PCCA: variants seen among roughly 807,000 people sequenced by gnomAD.
PCCA encodes the protein propionyl-CoA carboxylase alpha chain, mitochondrial.
In PCCA, 74 loss-of-function variants were observed where a neutral mutation model predicts 101.3. The ratio of observed to expected loss-of-function variants is 0.73; its 90% confidence interval spans 0.61 to 0.89. The LOEUF (loss-of-function observed/expected upper bound fraction) is 0.89, where lower values mean the gene tolerates loss of function less well. Among genes scored for constraint, PCCA ranks in the 40% least tolerant of loss-of-function variants. The pLI, the probability that PCCA is intolerant of heterozygous loss-of-function variation, is 0.00. For synonymous variants in PCCA, 294 were observed against 313.6 expected (o/e 0.94, Z 0.66); for missense variants, 891 against 907.0 (o/e 0.98, Z 0.23).
chr13:100,418,364 TCTC>T (rs1268834859), intron 19 of PCCA, among the ~76,000 whole-genome samples: 1 of 152,136 alleles, frequency 6.6e-6, no homozygotes, highest in African/African-American at 2.4e-5. Flanking sequence ...TCTGATAACT[TCTC>T]CTCCCTTATC....
chr13:100,166,871 T>C (rs2055097574), intron 6 of PCCA, among the ~76,000 whole-genome samples: 1 of 152,232 alleles, frequency 6.6e-6, no homozygotes, highest in African/African-American at 2.4e-5. Flanking sequence ...CCGCCAACAA[T>C]GTATGAGTGT....
At chr13:100,358,637 A>G (rs2074199478) in intron 18 of PCCA, among the ~76,000 whole-genome samples, 1 of 152,198 alleles carries the variant, frequency 6.6e-6, no homozygotes, top group Non-Finnish European at 1.5e-5. Context: ...TTGAAGATAG[A>G]AGAATAGAGA....
intron 4 of PCCA, among the ~76,000 whole-genome samples, chr13:100,137,482 C>G (rs1213793293): frequency 1.3e-5 from 2 of 152,192 alleles, no homozygotes; most frequent in South Asian, 2.1e-4. Context: ...TTTCTCCTCT[C>G]AGTTCTGCCA....
chr13:100,486,151 G>C lies in PCCA; in HGVS notation c.1900-29276G>C, dbSNP rs565241605. On this transcript the variant is annotated intron_variant, in intron 21 of 23. Coordinates refer to ENST00000376285, the MANE Select transcript of PCCA (RefSeq NM_000282.4). ...TCATTCTCTGTCATTCCTGAAGGAA[G>C]GACTCTGGCTGGCCCATCTCATCTT... Among the ~76,000 whole-genome samples the C allele has an allele frequency of 3.9e-5, 6 of 152,348 alleles. No individual in the cohort carries two copies. In the South Asian group the frequency reaches 1.2e-3, roughly 32 times the overall value.
intron 7 of PCCA, among the ~76,000 whole-genome samples, chr13:100,216,574 A>T (rs990382869): frequency 1.3e-5 from 2 of 152,226 alleles, no homozygotes; most frequent in African/African-American, 4.8e-5. Flanking sequence ...GTATTTGTTG[A>T]ATGAATAATA....
At chr13:100,216,846 T>C (rs1412930267) in intron 7 of PCCA, among the ~76,000 whole-genome samples, 1 of 152,186 alleles carries the variant, frequency 6.6e-6, no homozygotes, top group East Asian at 1.9e-4. Context: ...TGGTGGCTCA[T>C]GCCTGTAATC....
Position 100,480,658 on chromosome 13 carries a change from G to A in PCCA, c.1899+31353G>A, listed in dbSNP as rs559630339. 6.6e-5 allele frequency among the ~76,000 whole-genome samples: 10 copies of A among 152,174 alleles called. No individual in the cohort carries two copies. In the South Asian group the frequency reaches 8.3e-4, roughly 13 times the overall value. On this transcript the variant is annotated intron_variant, in intron 21 of 23. Transcript: ENST00000376285. ...GTGAAACTAGATTAAACCAAAAAACGCCCTCAGCTCCAGCAGATCCTGAGC... is the reference window on the plus strand; with the variant it reads ...GTGAAACTAGATTAAACCAAAAAACACCCTCAGCTCCAGCAGATCCTGAGC...
intron 18 of PCCA, among the ~76,000 whole-genome samples, chr13:100,356,421 T>C (rs1035546408): frequency 6.6e-6 from 1 of 151,936 alleles, no homozygotes; most frequent in Non-Finnish European, 1.5e-5. Flanking sequence ...GGACAAATGA[T>C]CCAGTTAAAA....
chr13:100,340,079 C>A, intron 17 of PCCA, 78 bp from the exon 18 acceptor site: 1 of 833,632 alleles, frequency 1.2e-6, no homozygotes, highest in Non-Finnish European at 2.1e-6. Flanking sequence ...GTTTGAATGA[C>A]TAGTAATTCT....
intron 17 of PCCA, among the ~76,000 whole-genome samples, chr13:100,334,963 C>G (rs1348023911): frequency 6.6e-6 from 1 of 152,098 alleles, no homozygotes; most frequent in Non-Finnish European, 1.5e-5. Context: ...AGTAACTCCA[C>G]TAGGCATATA....
At chr13:100,422,070 T>TTTCTTTC (rs10668689) in intron 19 of PCCA, among the ~76,000 whole-genome samples, 14,339 of 110,504 alleles carry the variant, frequency 0.13, 1,794 homozygotes, top group East Asian at 0.19. Flanking sequence ...TTCTCTTTTC[T>TTTCTTTC]TTTCTTTCTT....
intron 20 of PCCA, among the ~76,000 whole-genome samples, chr13:100,429,450 C>G (rs1225457822): frequency 6.6e-6 from 1 of 151,996 alleles, no homozygotes; most frequent in African/African-American, 2.4e-5. Context: ...ACTATAGTAA[C>G]TGTAGGTACT....
chr13:100,397,115 A>G (rs535607097), intron 19 of PCCA, among the ~76,000 whole-genome samples: 9 of 152,268 alleles, frequency 5.9e-5, no homozygotes, highest in Middle Eastern at 3.4e-3. Context: ...CCCAGACGTC[A>G]TGGATTTACC....
intron 7 of PCCA, among the ~76,000 whole-genome samples, chr13:100,215,621 T>C (rs1462792942): frequency 6.6e-6 from 1 of 152,070 alleles, no homozygotes; most frequent in Non-Finnish European, 1.5e-5. Flanking sequence ...CTGTATACTT[T>C]ATTTTATTTT....
chr13:100,461,934 C>T (rs1346984375), intron 21 of PCCA, among the ~76,000 whole-genome samples: 1 of 152,168 alleles, frequency 6.6e-6, no homozygotes, highest in Admixed American at 6.5e-5. Flanking sequence ...CTCCACAGGG[C>T]TTCCTCCCTG....
chr13:100,206,827 C>T (rs2058884245), intron 6 of PCCA, among the ~76,000 whole-genome samples: 1 of 152,160 alleles, frequency 6.6e-6, no homozygotes, highest in Non-Finnish European at 1.5e-5. Flanking sequence ...CTAAGACCTT[C>T]ATGTGAGAGA....
chr13:100,181,666 G>A (rs920157374), intron 6 of PCCA, among the ~76,000 whole-genome samples: 5 of 151,870 alleles, frequency 3.3e-5, no homozygotes, highest in Non-Finnish European at 5.9e-5. Context: ...CAAGTGATCC[G>A]CTTGTCTTGA....
At chr13:100,343,492 A>G (rs2071705180) in intron 18 of PCCA, among the ~76,000 whole-genome samples, 2 of 152,222 alleles carry the variant, frequency 1.3e-5, no homozygotes, top group Admixed American at 1.3e-4. Context: ...CAGAAATAAC[A>G]TGTGAAGAGA....
chr13:100,229,642 A>G (rs192406136), intron 7 of PCCA, among the ~76,000 whole-genome samples: 67 of 152,196 alleles, frequency 4.4e-4, no homozygotes, highest in Non-Finnish European at 7.8e-4. Context: ...AAAAAGTTCT[A>G]TGTTGTTAGC....
Sources: allele counts gnomAD v4.1 joint callset (sites outside exome capture counted in the v4.1 genomes callset), GRCh38; gene constraint gnomAD v4.1.1; transcripts MANE v1.5; gene names NCBI Gene and HGNC (gene_info 2026-07-23, HGNC 2026-07-21).